Variants in MKLN1 observed in about 807,000 individuals in gnomAD.
MKLN1 encodes muskelin.
In MKLN1, 18 loss-of-function variants were observed where a neutral mutation model predicts 99.0. That is an observed-to-expected ratio of 0.18 (90% CI 0.13 to 0.27). The LOEUF (loss-of-function observed/expected upper bound fraction) is 0.27. MKLN1 is among the 10% of genes least tolerant of loss of function. The pLI, the probability that MKLN1 is intolerant of heterozygous loss-of-function variation, is 1.00. For synonymous variants in MKLN1, 288 were observed against 293.2 expected (o/e 0.98, Z 0.18); for missense variants, 621 against 875.9 (o/e 0.71, Z 3.67).
chr7:131,471,148 C>G, intron 16 of MKLN1: 2 of 463,774 alleles, frequency 4.3e-6, no homozygotes, highest in Non-Finnish European at 7.6e-6. Context: ...CACCAAAAAC[C>G]CTTGGTCCAT....
intron 2 of MKLN1, among the ~76,000 whole-genome samples, chr7:131,166,985 C>T (rs1442965880): frequency 6.6e-6 from 1 of 152,154 alleles, no homozygotes; most frequent in South Asian, 2.1e-4. Flanking sequence ...GCCACTGCGT[C>T]CGGCCTAAGT....
intron 3 of MKLN1, among the ~76,000 whole-genome samples, chr7:131,293,890 G>T (rs953070504): frequency 6.6e-6 from 1 of 152,042 alleles, no homozygotes; most frequent in Non-Finnish European, 1.5e-5. Flanking sequence ...TCTAGAACAG[G>T]GTTTTTCAAT....
chr7:131,312,748 G>C (rs1334055327), intron 3 of MKLN1, among the ~76,000 whole-genome samples: 1 of 152,126 alleles, frequency 6.6e-6, no homozygotes, highest in Non-Finnish European at 1.5e-5. Flanking sequence ...AGTAGTTTTA[G>C]TTACATATAT....
chr7:131,259,960 G>A (rs1797709314), intron 3 of MKLN1, among the ~76,000 whole-genome samples: 1 of 152,110 alleles, frequency 6.6e-6, no homozygotes, highest in Admixed American at 6.5e-5. Flanking sequence ...ACCCCATAGT[G>A]TCTGCCCAAA....
intron 3 of MKLN1, among the ~76,000 whole-genome samples, chr7:131,314,623 C>G (rs951646001): frequency 8.6e-5 from 13 of 151,892 alleles, no homozygotes; most frequent in African/African-American, 3.1e-4. Flanking sequence ...GGGGTTTCAC[C>G]GTATTAGCCA....
chr7:131,236,638 G>A (rs565131284), intron 3 of MKLN1, among the ~76,000 whole-genome samples: 2 of 152,136 alleles, frequency 1.3e-5, no homozygotes, highest in East Asian at 1.9e-4. Flanking sequence ...TCTAGCCTGG[G>A]TAACAGAGTG....
intron 3 of MKLN1, among the ~76,000 whole-genome samples, chr7:131,311,544 C>T (rs1412738570): frequency 6.6e-6 from 1 of 152,112 alleles, no homozygotes; most frequent in South Asian, 2.1e-4. Flanking sequence ...CTAAATATGC[C>T]TAATATTCCT....
chr7:131,363,254 T>G (rs989252452), intron 1 of MKLN1, among the ~76,000 whole-genome samples: 8 of 151,984 alleles, frequency 5.3e-5, no homozygotes, highest in Non-Finnish European at 1.2e-4. Context: ...CTTTTCACCT[T>G]TATGTTTTCC....
In MKLN1 at chr7:131,494,534, G is replaced by A. The variant is rs1380650466; in HGVS notation, c.*6806G>A. 2 of 152,090 alleles carry A rather than the reference G, an allele frequency of 1.3e-5. No homozygotes were observed. Among genetic ancestry groups the A allele is most frequent in the African/African-American group, 4.8e-5 (2 of 41,410 alleles). 9.4% of individuals were successfully genotyped at this position (152,090 alleles called of 1,614,324 possible). Reference sequence around the variant, plus strand: ...AAAGGTTACTTAGGAGTAGTCTTCCGTGGGGGAAGATAAATTTATTAAAGA... The same window carrying A: ...AAAGGTTACTTAGGAGTAGTCTTCCATGGGGGAAGATAAATTTATTAAAGA... On this transcript the variant is annotated 3_prime_UTR_variant, in exon 18 of 18. Transcript: ENST00000352689.
At chr7:131,123,251 A>C (rs1795404262) in intron 1 of MKLN1, among the ~76,000 whole-genome samples, 1 of 152,156 alleles carries the variant, frequency 6.6e-6, no homozygotes, top group Non-Finnish European at 1.5e-5. Flanking sequence ...AAAGATCAGC[A>C]AACTTTTTCC....
intron 11 of MKLN1, among the ~76,000 whole-genome samples, chr7:131,444,680 G>C (rs1000640803): frequency 6.6e-6 from 1 of 150,836 alleles, no homozygotes; most frequent in African/African-American, 2.4e-5. Flanking sequence ...CCCCCAAGTA[G>C]CTAAAACTAC....
At chr7:131,426,080 G>A (rs950323115) in intron 8 of MKLN1, among the ~76,000 whole-genome samples, 4 of 152,142 alleles carry the variant, frequency 2.6e-5, no homozygotes, top group African/African-American at 9.7e-5. Context: ...TTCATGGATA[G>A]GAATGACATC....
intron 1 of MKLN1, among the ~76,000 whole-genome samples, chr7:131,354,517 G>A (rs553837841): frequency 1.3e-5 from 2 of 150,590 alleles, no homozygotes; most frequent in African/African-American, 2.4e-5. Context: ...TTTTTTGTGG[G>A]GGGGGGCGTA....
At chr7:131,202,511 A>G (rs940008930) in intron 2 of MKLN1, among the ~76,000 whole-genome samples, 1 of 152,096 alleles carries the variant, frequency 6.6e-6, no homozygotes, top group Non-Finnish European at 1.5e-5. Context: ...CTTATGCGCC[A>G]GGACAACAGG....
chr7:131,476,641 T>G (rs866074122), intron 16 of MKLN1, among the ~76,000 whole-genome samples: 3 of 152,194 alleles, frequency 2.0e-5, no homozygotes, highest in African/African-American at 7.2e-5. Context: ...ACACTAAAAA[T>G]TGTTTAAAGC....
chr7:131,414,931 T>A (rs1409758607), intron 8 of MKLN1, among the ~76,000 whole-genome samples: 1 of 152,094 alleles, frequency 6.6e-6, no homozygotes, highest in Non-Finnish European at 1.5e-5. Context: ...ACTGGTGTAT[T>A]TCTGGATTTT....
At chr7:131,362,515 A>G (rs1306452255) in intron 1 of MKLN1, among the ~76,000 whole-genome samples, 3 of 152,094 alleles carry the variant, frequency 2.0e-5, no homozygotes, top group Non-Finnish European at 4.4e-5. Context: ...TCCCTAGCAT[A>G]CCGTGTATTC....
intron 5 of MKLN1, among the ~76,000 whole-genome samples, chr7:131,398,020 G>T (rs1423526334): frequency 6.6e-6 from 1 of 152,040 alleles, no homozygotes; most frequent in East Asian, 1.9e-4. Context: ...TAAGGATTAG[G>T]TGTTTAATGA....
intron 3 of MKLN1, among the ~76,000 whole-genome samples, chr7:131,299,982 G>A (rs1798351659): frequency 6.6e-6 from 1 of 152,140 alleles, no homozygotes; most frequent in African/African-American, 2.4e-5. Context: ...TTATCTCGGG[G>A]TAAACTCTGC....
Sources: gnomAD v4.1 joint callset for allele counts (sites outside exome capture counted in the v4.1 genomes callset) on GRCh38, gnomAD v4.1.1 for gene constraint, MANE v1.5 for transcripts, NCBI Gene and HGNC (gene_info 2026-07-23, HGNC 2026-07-21) for gene names.